The following KDM4F variants were observed in gnomAD, a reference collection of about 807,000 sequenced individuals.
KDM4F encodes the protein lysine demethylase 4F.
For synonymous variants in KDM4F, 223 were observed against 184.4 expected (o/e 1.21, Z -1.70); for missense variants, 586 against 496.4 (o/e 1.18, Z -1.71).
chr11:95,050,331 G>A, exon 1 of KDM4F: 2 of 1,265,690 alleles, frequency 1.6e-6, no homozygotes, highest in East Asian at 2.3e-5. Flanking sequence ...TGGTAAAGTG[G>A]CTTCACAGTG....
exon 1 of KDM4F, chr11:95,050,812 T>C: frequency 1.7e-6 from 1 of 603,130 alleles, no homozygotes; most frequent in Non-Finnish European, 3.0e-6. Context: ...CGCCTCTCAG[T>C]GGGGACAGGG....
At chr11:95,050,289 A>G (rs1858498206) in exon 1 of KDM4F, 1 of 1,447,492 alleles carries the variant, frequency 6.9e-7, no homozygotes, top group Non-Finnish European at 9.7e-7. Context: ...CGCAGAGGCC[A>G]TCAACTTTGC....
At chr11:95,050,345 C>A in exon 1 of KDM4F, 1 of 1,197,936 alleles carries the variant, frequency 8.3e-7, no homozygotes, top group Non-Finnish European at 1.2e-6. Flanking sequence ...CACAGTGTAG[C>A]TGTGGCGAGG....
exon 1 of KDM4F, chr11:95,050,988 A>G (rs1339839301): frequency 8.7e-6 from 4 of 457,516 alleles, no homozygotes; most frequent in Non-Finnish European, 1.5e-5. Context: ...TGATGAACCC[A>G]TGCACCCTGG....
At chr11:95,050,318 T>C in exon 1 of KDM4F, 1 of 1,336,946 alleles carries the variant, frequency 7.5e-7, no homozygotes, top group Non-Finnish European at 1.1e-6. Context: ...GATGGATTGA[T>C]TATGGTAAAG....
exon 1 of KDM4F, chr11:95,050,428 G>T: frequency 1.2e-6 from 1 of 827,184 alleles, no homozygotes; most frequent in Non-Finnish European, 2.1e-6. Context: ...TGGAAACACA[G>T]GCAAGACTTG....
exon 1 of KDM4F, chr11:95,049,741 A>G: frequency 6.2e-7 from 1 of 1,605,484 alleles, no homozygotes; most frequent in Non-Finnish European, 8.5e-7. Context: ...AGTAAAAAAT[A>G]TCAGACTCCG....
chr11:95,051,308 G>A, the KDM4F span: 1 of 398,638 alleles, frequency 2.5e-6, no homozygotes. Flanking sequence ...TGGACCCATG[G>A]CCATTGAATA....
chr11:95,049,449 A>T, exon 1 of KDM4F: 1 of 1,488,478 alleles, frequency 6.7e-7, no homozygotes, highest in Non-Finnish European at 9.0e-7. Context: ...CAGTCCCCAG[A>T]ACACGAGTCA....
exon 1 of KDM4F, chr11:95,050,935 G>A (rs61731246): frequency 5.1e-4 from 247 of 485,422 alleles, no homozygotes; most frequent in African/African-American, 4.3e-3. Flanking sequence ...TCTGGCTGCT[G>A]TTGTGCCCCT....
rs532335216 is a variant in KDM4F at position 95,050,862 on chromosome 11, G to C, written c.1441G>C (p.Asp481His). The C allele has an allele frequency of 9.3e-6, 5 of 538,810 alleles. No individual in the cohort carries two copies. In the Admixed American group the frequency reaches 9.4e-5, roughly 10 times the overall value. 33.4% of individuals were successfully genotyped at this position (538,810 alleles called of 1,614,324 possible). Reference sequence around the variant, plus strand: ...CCGCAAACCTCAGCTCCAGTTCGCCGATGAAGCTTTGACAGACAAACCCGC... The same window carrying C: ...CCGCAAACCTCAGCTCCAGTTCGCCCATGAAGCTTTGACAGACAAACCCGC... The change falls in exon 1 of 1, where the codon GAT becomes CAT. Residue 481 changes from aspartate (D) to histidine (H), a missense_variant. Physicochemically the swap from Asp to His is moderately conservative, Grantham distance 81. Transcript: ENST00000545950.
chr11:95,050,186 G>A, exon 1 of KDM4F: 1 of 1,547,872 alleles, frequency 6.5e-7, no homozygotes, highest in Non-Finnish European at 8.9e-7. Flanking sequence ...AAAAGAATGG[G>A]ATCCCCTTCA....
At chr11:95,050,297 T>C (rs1372900731) in exon 1 of KDM4F, 2 of 1,410,506 alleles carry the variant, frequency 1.4e-6, no homozygotes, top group Non-Finnish European at 2.0e-6. Context: ...CCATCAACTT[T>C]GCCACTCCAC....
At chr11:95,049,546 G>A (rs528877179) in exon 1 of KDM4F, 91 of 1,595,744 alleles carry the variant, frequency 5.7e-5, no homozygotes, top group Middle Eastern at 1.7e-4. Context: ...GGCGCACACC[G>A]AGCTGGCCTC....
exon 1 of KDM4F, chr11:95,050,192 C>G: frequency 1.4e-5 from 21 of 1,550,176 alleles, no homozygotes; most frequent in Non-Finnish European, 1.8e-5. Context: ...ATGGGATCCC[C>G]TTCAATCGCA....
chr11:95,049,561 A>G lies in KDM4F; in HGVS notation c.140A>G (p.Lys47Arg), dbSNP rs1000910512. ...GGCGCACACCGAGCTGGCCTCGCCAAGGTAATTCCACCCAAGGAATGGAAA... is the reference window on the plus strand; with the variant it reads ...GGCGCACACCGAGCTGGCCTCGCCAGGGTAATTCCACCCAAGGAATGGAAA... The change falls in exon 1 of 1, where the codon AAG becomes AGG. Residue 47 changes from lysine (K) to arginine (R), a missense_variant. Coordinates refer to ENST00000545950, the Ensembl canonical transcript of KDM4F. 4 of 1,597,528 alleles carry G rather than the reference A, an allele frequency of 2.5e-6. No individual in the cohort carries two copies. The Admixed American group carries it at 6.7e-5, about 27-fold the overall frequency.
exon 1 of KDM4F, chr11:95,049,599 TATG>T: frequency 6.3e-7 from 1 of 1,599,252 alleles, no homozygotes; most frequent in Non-Finnish European, 8.5e-7. Flanking sequence ...CAGACAGATG[TATG>T]ATGATATTGA....
chr11:95,050,168 A>T, exon 1 of KDM4F: 6 of 1,546,760 alleles, frequency 3.9e-6, no homozygotes, highest in Non-Finnish European at 5.4e-6. Context: ...TCTCGCCTAC[A>T]GTTCTCAAAA....
chr11:95,049,503 T>C, exon 1 of KDM4F: 1 of 1,579,268 alleles, frequency 6.3e-7, no homozygotes, highest in Non-Finnish European at 8.6e-7. Flanking sequence ...ATTTGCAGAT[T>C]TCAACACATA....
Sources: gnomAD v4.1 joint callset for allele counts on GRCh38, gnomAD v4.1.1 for gene constraint, MANE v1.5 for transcripts, NCBI Gene and HGNC (gene_info 2026-07-23, HGNC 2026-07-21) for gene names.